The following UEVLD variants were observed in gnomAD, a reference collection of about 807,000 sequenced individuals.
UEVLD encodes ubiquitin-conjugating enzyme E2 variant 3.
In UEVLD, 47 loss-of-function variants were observed where a neutral mutation model predicts 58.6. That is an observed-to-expected ratio of 0.80 (90% confidence interval 0.63 to 1.02). The LOEUF is 1.02. Among genes scored for constraint, UEVLD ranks in the 50% least tolerant of loss-of-function variants. The probability of loss-of-function intolerance (pLI) is 0.00; values close to 1 mark genes in which losing one functional copy is unlikely to be tolerated. For missense variants in UEVLD, 510 were observed against 550.6 expected (o/e 0.93, Z 0.74); for synonymous variants, 197 against 195.3 (o/e 1.01, Z -0.07).
At chr11:18,586,960 A>T (rs1487848500) in intron 1 of UEVLD, among the ~76,000 whole-genome samples, 1 of 152,158 alleles carries the variant, frequency 6.6e-6, no homozygotes, top group African/African-American at 2.4e-5. Context: ...TGAACCCAGG[A>T]GGCGGAGATG....
chr11:18,580,664 G>C (rs1189133108), intron 1 of UEVLD, among the ~76,000 whole-genome samples: 1 of 146,294 alleles, frequency 6.8e-6, no homozygotes, highest in African/African-American at 2.6e-5. Flanking sequence ...AAAAAAAAAA[G>C]AAAAATTAAA....
At chr11:18,564,357 G>C (rs991165347) in intron 6 of UEVLD, among the ~76,000 whole-genome samples, 4 of 152,080 alleles carry the variant, frequency 2.6e-5, no homozygotes, top group Non-Finnish European at 5.9e-5. Context: ...GCTCTGGAGG[G>C]AGGCAGGCAG....
intron 6 of UEVLD, among the ~76,000 whole-genome samples, chr11:18,560,139 A>ACACACACCAGCCTGGGCAACATG (rs1565125613): frequency 7.2e-5 from 2 of 27,680 alleles, no homozygotes; most frequent in Non-Finnish European, 1.5e-4. Flanking sequence ...ACACACACAC[A>ACACACACCAGCCTGGGCAACATG]GAGAGAGAAA....
rs368805291 is a variant in UEVLD, at chr11:18,532,288, A to C, written c.*32T>G. On this transcript the variant is annotated 3_prime_UTR_variant, in exon 12 of 12. Transcript: ENST00000396197. Reference sequence around the variant, plus strand: ...AATTAAATGACTTTTCCCTTTAGGTAGAAGTCCAGCCTCTCAAATTGCATT... The same window carrying C: ...AATTAAATGACTTTTCCCTTTAGGTCGAAGTCCAGCCTCTCAAATTGCATT... 189 of 1,566,766 alleles carry C rather than the reference A, an allele frequency of 1.2e-4. No homozygotes were observed. The highest frequency in any genetic ancestry group is 1.2e-4 in the Non-Finnish European group (143 of 1,159,156).
intron 7 of UEVLD, 35 bp downstream of exon 7, chr11:18,558,192 TA>T: frequency 6.7e-7 from 1 of 1,496,360 alleles, no homozygotes; most frequent in Non-Finnish European, 9.2e-7. Context: ...AATGAAGATC[TA>T]ATAAGGCATA....
intron 4 of UEVLD, 50 bp from the exon 5 acceptor site, chr11:18,566,532 A>AAT: frequency 6.3e-7 from 1 of 1,592,668 alleles, no homozygotes; most frequent in Non-Finnish European, 8.5e-7. Flanking sequence ...TTTGCTGAAG[A>AAT]ATACTACCTT....
At chr11:18,554,137 G>A (rs938093281) in intron 7 of UEVLD, among the ~76,000 whole-genome samples, 2 of 152,174 alleles carry the variant, frequency 1.3e-5, no homozygotes, top group Admixed American at 1.3e-4. Context: ...TTGCCCCCAG[G>A]ATGGAGTGCA....
intron 7 of UEVLD, among the ~76,000 whole-genome samples, chr11:18,554,468 C>T (rs1851670299): frequency 6.8e-6 from 1 of 146,388 alleles, no homozygotes; most frequent in South Asian, 2.2e-4. Context: ...ACAATCTCAG[C>T]TCACTGCAAC....
chr11:18,588,465 G>A (rs1853702234), intron 1 of UEVLD, 148 bp downstream of exon 1: 3 of 891,066 alleles, frequency 3.4e-6, no homozygotes, highest in African/African-American at 3.4e-5. Context: ...CCCTGGGGCC[G>A]CGCCCCATAG....
At chr11:18,583,408 G>A (rs1853360042) in intron 1 of UEVLD, among the ~76,000 whole-genome samples, 1 of 146,612 alleles carries the variant, frequency 6.8e-6, no homozygotes, top group Admixed American at 6.8e-5. Context: ...TAGTGGAGAT[G>A]GGGTTTCATC....
chr11:18,559,325 A>G (rs1343054778), intron 6 of UEVLD, among the ~76,000 whole-genome samples: 1 of 151,842 alleles, frequency 6.6e-6, no homozygotes, highest in Non-Finnish European at 1.5e-5. Flanking sequence ...CAGCCTGCCA[A>G]GTGGCTGGGA....
chr11:18,547,335 G>A (rs1851344260), intron 7 of UEVLD, among the ~76,000 whole-genome samples: 1 of 152,166 alleles, frequency 6.6e-6, no homozygotes, highest in African/African-American at 2.4e-5. Context: ...AGACCAGCCT[G>A]CCCAACATGG....
rs532876599 is a variant in UEVLD, at chr11:18,577,522, A to G, written c.127+1202T>C. On this transcript the variant is annotated intron_variant, in intron 2 of 11. Coordinates refer to ENST00000396197, the MANE Select transcript of UEVLD (RefSeq NM_001040697.4). ...CACTATCTCTGGTTTCAAACAATCA[A>G]ACTACCTTGGAGGGGGGCCTTTGGG... is the stretch of plus-strand genomic sequence containing the variant. Among the ~76,000 whole-genome samples, 32 of 152,350 alleles carry G rather than the reference A, an allele frequency of 2.1e-4. 1 individual carries two copies. In the South Asian group the frequency reaches 6.4e-3, roughly 31 times the overall value.
chr11:18,575,216 T>A (rs1249788110), intron 3 of UEVLD, 131 bp downstream of exon 3: 18 of 914,834 alleles, frequency 2.0e-5, no homozygotes, highest in Non-Finnish European at 3.0e-5. Flanking sequence ...CTGGAACAGA[T>A]CCAGTAAGGT....
chr11:18,570,939 CAA>C (rs34951254), intron 3 of UEVLD, among the ~76,000 whole-genome samples: 9,598 of 137,530 alleles, frequency 0.07, 876 homozygotes, highest in African/African-American at 0.21. Flanking sequence ...CCCTGCCTCT[CAA>C]AAAAAAAAAA....
At position 18,532,199 on chromosome 11, in the gene UEVLD, T is replaced by G; in HGVS notation, c.*121A>C. ...AAGCTAATCAAGAAACCCTCTACTTTAACCAAGCAGTTTGTAAAAGTAAGT... is the reference window on the plus strand; with the variant it reads ...AAGCTAATCAAGAAACCCTCTACTTGAACCAAGCAGTTTGTAAAAGTAAGT... On this transcript the variant is annotated 3_prime_UTR_variant, in exon 12 of 12. Coordinates refer to ENST00000396197, the MANE Select transcript of UEVLD (RefSeq NM_001040697.4). 1 of 956,944 alleles carries G rather than the reference T, an allele frequency of 1.0e-6. No individual in the cohort carries two copies. The highest frequency in any genetic ancestry group is 1.5e-6 in the Non-Finnish European group (1 of 677,432). 59.3% of individuals were successfully genotyped at this position (956,944 alleles called of 1,614,324 possible). A position where few individuals can be genotyped will look rare whatever the true frequency, so the allele number is the denominator to read the frequency against.
At chr11:18,537,008 G>A (rs957819936) in intron 9 of UEVLD, among the ~76,000 whole-genome samples, 2 of 147,192 alleles carry the variant, frequency 1.4e-5, no homozygotes, top group Non-Finnish European at 1.5e-5. Flanking sequence ...CAATTCTCAC[G>A]CCTCAGCCTC....
At chr11:18,584,258 T>C (rs1853420921) in intron 1 of UEVLD, among the ~76,000 whole-genome samples, 1 of 152,064 alleles carries the variant, frequency 6.6e-6, no homozygotes, top group Admixed American at 6.5e-5. Context: ...TGATGTTGCC[T>C]GTGGTCCTAG....
chr11:18,568,313 G>A (rs568869839), intron 4 of UEVLD, among the ~76,000 whole-genome samples: 25 of 152,270 alleles, frequency 1.6e-4, no homozygotes, highest in African/African-American at 6.0e-4. Context: ...GAAAACCAGA[G>A]AGAAGAAACA....
Sources: allele counts gnomAD v4.1 joint callset (sites outside exome capture counted in the v4.1 genomes callset), GRCh38; gene constraint gnomAD v4.1.1; transcripts MANE v1.5; gene names NCBI Gene and HGNC (gene_info 2026-07-23, HGNC 2026-07-21).